Variants in FAT3 observed in about 807,000 individuals in gnomAD.
The protein encoded by FAT3 is protocadherin Fat 3.
Under a neutral mutation model 310.2 loss-of-function variants are expected in FAT3, and 95 were observed. That is an observed-to-expected ratio of 0.31 (90% CI 0.26 to 0.36). The LOEUF (loss-of-function observed/expected upper bound fraction) is 0.36, where lower values mean the gene tolerates loss of function less well. FAT3 is among the 10% of genes least tolerant of loss of function. FAT3 has a pLI of 1.00. For synonymous variants in FAT3, 2,314 were observed against 2,192.9 expected (o/e 1.06, Z -1.54); for missense variants, 5,408 against 5,715.6 (o/e 0.95, Z 1.74).
intron 3 of FAT3, among the ~76,000 whole-genome samples, chr11:92,683,450 C>T (rs1378205328): frequency 6.6e-6 from 1 of 152,130 alleles, no homozygotes; most frequent in Admixed American, 6.5e-5. Context: ...GGTAAAAGTA[C>T]TCCTTTTCTA....
In FAT3 at chr11:92,659,515, A is replaced by G. The variant is rs183616126; in HGVS notation, c.3608-37869A>G. On this transcript the variant is annotated intron_variant, in intron 3 of 27. Transcript: ENST00000525166. ...ACTTTTTCCTTCTATGCATGCTCACAAATATTATCTTACACCTTTTCTCAC... is the reference window on the plus strand; with the variant it reads ...ACTTTTTCCTTCTATGCATGCTCACGAATATTATCTTACACCTTTTCTCAC... 2.7e-3 allele frequency among the ~76,000 whole-genome samples: 417 copies of G among 152,296 alleles called. 1 individual carries two copies. Among genetic ancestry groups the G allele is most frequent in the African/African-American group, 9.5e-3 (394 of 41,562 alleles).
intron 2 of FAT3, among the ~76,000 whole-genome samples, chr11:92,510,256 C>A (rs1953246963): frequency 2.0e-5 from 3 of 152,146 alleles, no homozygotes; most frequent in African/African-American, 7.2e-5. Context: ...GTCTCGACTT[C>A]ATTTCATATA....
intron 1 of FAT3, among the ~76,000 whole-genome samples, chr11:92,233,275 T>G (rs908852630): frequency 6.6e-6 from 1 of 152,180 alleles, no homozygotes; most frequent in African/African-American, 2.4e-5. Context: ...TTTTAATTCC[T>G]CATCTTCATA....
chr11:92,517,676 G>C (rs929574210), intron 2 of FAT3, among the ~76,000 whole-genome samples: 1 of 152,162 alleles, frequency 6.6e-6, no homozygotes, highest in Non-Finnish European at 1.5e-5. Context: ...TGTCGTCAGA[G>C]TGAACAGGCA....
At chr11:92,306,015 T>C (rs541555041) in intron 1 of FAT3, among the ~76,000 whole-genome samples, 6 of 152,284 alleles carry the variant, frequency 3.9e-5, no homozygotes, top group Admixed American at 6.5e-5. Flanking sequence ...GTAAAGGGTA[T>C]GTGGAAACTC....
chr11:92,837,837 C>A, intron 17 of FAT3, 31 bp downstream of exon 17: 1 of 1,613,474 alleles, frequency 6.2e-7, no homozygotes. Flanking sequence ...AAGCACTTGT[C>A]CCTTTGCATT....
At chr11:92,712,026 T>C (rs1944539804) in intron 4 of FAT3, among the ~76,000 whole-genome samples, 1 of 152,190 alleles carries the variant, frequency 6.6e-6, no homozygotes. Context: ...TGGATAAACA[T>C]TTGCCAAATG....
At chr11:92,445,227 C>G (rs1419391495) in intron 2 of FAT3, among the ~76,000 whole-genome samples, 1 of 152,192 alleles carries the variant, frequency 6.6e-6, no homozygotes, top group South Asian at 2.1e-4. Context: ...CACTAATACA[C>G]TGTTGTACGT....
chr11:92,850,178 A>AT (rs1436683362), intron 19 of FAT3, among the ~76,000 whole-genome samples: 1 of 152,186 alleles, frequency 6.6e-6, no homozygotes, highest in Non-Finnish European at 1.5e-5. Flanking sequence ...GCTTTGAGTA[A>AT]CCCTCAGTGT....
At chr11:92,654,517 C>T (rs746681607) in intron 3 of FAT3, among the ~76,000 whole-genome samples, 2 of 152,170 alleles carry the variant, frequency 1.3e-5, no homozygotes, top group African/African-American at 2.4e-5. Flanking sequence ...CCTAGCTATG[C>T]AGGCCAAAAA....
At chr11:92,567,578 C>G (rs1337228353) in intron 3 of FAT3, among the ~76,000 whole-genome samples, 4 of 151,720 alleles carry the variant, frequency 2.6e-5, no homozygotes, top group African/African-American at 9.7e-5. Flanking sequence ...TATAAAGACA[C>G]ATGCACACGT....
At chr11:92,534,224 G>A (rs941356835) in intron 3 of FAT3, among the ~76,000 whole-genome samples, 2 of 151,926 alleles carry the variant, frequency 1.3e-5, no homozygotes, top group East Asian at 1.9e-4. Context: ...TCACTGTCTC[G>A]AGCCATGCCA....
At chr11:92,611,415 C>A (rs1940556020) in intron 3 of FAT3, among the ~76,000 whole-genome samples, 1 of 152,168 alleles carries the variant, frequency 6.6e-6, no homozygotes, top group Admixed American at 6.5e-5. Flanking sequence ...CCACTATGCC[C>A]AGCATTTTTT....
At chr11:92,400,205 A>G (rs1176520806) in intron 2 of FAT3, 1 of 152,182 alleles carries the variant, frequency 6.6e-6, no homozygotes, top group Non-Finnish European at 1.5e-5. Context: ...TTCATCAGGT[A>G]TTTATTATTA....
intron 3 of FAT3, among the ~76,000 whole-genome samples, chr11:92,598,955 G>A (rs990195972): frequency 1.3e-5 from 2 of 152,146 alleles, no homozygotes; most frequent in Non-Finnish European, 2.9e-5. Context: ...TCTCATAATC[G>A]TTTTGACTCC....
chr11:92,675,461 G>T (rs1026386221), intron 3 of FAT3, among the ~76,000 whole-genome samples: 4 of 152,194 alleles, frequency 2.6e-5, no homozygotes, highest in African/African-American at 9.6e-5. Flanking sequence ...ATTTCTCTGG[G>T]CAGATGTGTT....
At chr11:92,573,162 C>T (rs969549380) in intron 3 of FAT3, among the ~76,000 whole-genome samples, 7 of 152,090 alleles carry the variant, frequency 4.6e-5, no homozygotes, top group Non-Finnish European at 8.8e-5. Context: ...GCCCATTTCT[C>T]ATAAGCCAAC....
intron 2 of FAT3, among the ~76,000 whole-genome samples, chr11:92,394,650 A>G (rs1565282354): frequency 6.6e-6 from 1 of 152,064 alleles, no homozygotes; most frequent in Non-Finnish European, 1.5e-5. Context: ...AAAAAAGAAA[A>G]AAAAAACTTT....
At chr11:92,832,389 A>C (rs12275041) in intron 14 of FAT3, among the ~76,000 whole-genome samples, 2,068 of 152,082 alleles carry the variant, frequency 0.014, 51 homozygotes, top group African/African-American at 0.047. Context: ...GCTTCTCCCG[A>C]AAACACTCTG....
Sources: allele counts gnomAD v4.1 joint callset (sites outside exome capture counted in the v4.1 genomes callset), GRCh38; gene constraint gnomAD v4.1.1; transcripts MANE v1.5; gene names NCBI Gene and HGNC (gene_info 2026-07-23, HGNC 2026-07-21).